LRRC4C: variants seen among roughly 807,000 people sequenced by gnomAD.
LRRC4C encodes the protein leucine-rich repeat-containing protein 4C.
Under a neutral mutation model 33.6 loss-of-function variants are expected in LRRC4C, and 5 were observed. The observed-to-expected ratio is 0.15, with a 90% CI of 0.08 to 0.31. LRRC4C has a LOEUF of 0.31. Ranked by LOEUF, LRRC4C falls within the 10% of genes least tolerant of loss-of-function variation. The probability of loss-of-function intolerance (pLI) is 1.00; values close to 1 mark genes in which losing one functional copy is unlikely to be tolerated. For missense variants in LRRC4C, 560 were observed against 796.7 expected (o/e 0.70, Z 3.58); for synonymous variants, 329 against 302.0 (o/e 1.09, Z -0.93).
intron 3 of LRRC4C, among the ~76,000 whole-genome samples, chr11:40,556,535 C>T (rs921567297): frequency 2.0e-5 from 3 of 152,200 alleles, no homozygotes; most frequent in African/African-American, 7.2e-5. Context: ...TTCTACATAT[C>T]TCAATAGGCT....
chr11:41,220,748 A>G (rs1449762283), intron 1 of LRRC4C, among the ~76,000 whole-genome samples: 4 of 152,228 alleles, frequency 2.6e-5, no homozygotes, highest in Admixed American at 2.0e-4. Flanking sequence ...ATATCCCAAG[A>G]AAATTGAGAT....
intron 1 of LRRC4C, among the ~76,000 whole-genome samples, chr11:41,088,316 A>G (rs1486601902): frequency 6.6e-6 from 1 of 152,108 alleles, no homozygotes; most frequent in East Asian, 1.9e-4. Flanking sequence ...CAGCAAAATA[A>G]TGCCTATTTC....
At chr11:41,004,939 T>A (rs1854634214) in intron 1 of LRRC4C, among the ~76,000 whole-genome samples, 1 of 152,164 alleles carries the variant, frequency 6.6e-6, no homozygotes, top group African/African-American at 2.4e-5. Context: ...AAAAAAATGC[T>A]GGGAAAATCA....
chr11:40,577,580 T>C (rs1260510920), intron 3 of LRRC4C, among the ~76,000 whole-genome samples: 1 of 152,200 alleles, frequency 6.6e-6, no homozygotes, highest in Non-Finnish European at 1.5e-5. Flanking sequence ...GATTTGGCTA[T>C]GTCTGGAGAC....
chr11:40,250,302 A>T (rs1851803080), intron 4 of LRRC4C, among the ~76,000 whole-genome samples: 1 of 151,852 alleles, frequency 6.6e-6, no homozygotes, highest in South Asian at 2.1e-4. Flanking sequence ...AAGATACCGA[A>T]ATTCTGTTAA....
chr11:41,222,434 C>G (rs887202347), intron 1 of LRRC4C, among the ~76,000 whole-genome samples: 2 of 152,130 alleles, frequency 1.3e-5, no homozygotes, highest in Admixed American at 6.5e-5. Flanking sequence ...ACTGAGTACT[C>G]AAGTCAGACA....
chr11:40,522,219 G>A (rs993478413), intron 3 of LRRC4C, among the ~76,000 whole-genome samples: 1 of 152,130 alleles, frequency 6.6e-6, no homozygotes, highest in Non-Finnish European at 1.5e-5. Context: ...TAGTAGAGAC[G>A]AGGTCTTGCC....
intron 1 of LRRC4C, among the ~76,000 whole-genome samples, chr11:41,011,333 A>G (rs1297974428): frequency 1.3e-5 from 2 of 152,082 alleles, no homozygotes; most frequent in East Asian, 3.9e-4. Context: ...CTTTCTTCAG[A>G]TATGAATAAA....
chr11:41,208,721 A>C (rs986690734), intron 1 of LRRC4C, among the ~76,000 whole-genome samples: 7 of 152,350 alleles, frequency 4.6e-5, no homozygotes, highest in African/African-American at 1.4e-4. Context: ...TCCCAAAGAC[A>C]ATTCAGAGAT....
intron 1 of LRRC4C, among the ~76,000 whole-genome samples, chr11:41,230,217 C>T (rs1223275072): frequency 6.6e-6 from 1 of 152,012 alleles, no homozygotes; most frequent in African/African-American, 2.4e-5. Context: ...TTTATACATC[C>T]ATTGTGAACC....
chr11:41,318,821 G>A (rs567565517), intron 1 of LRRC4C, among the ~76,000 whole-genome samples: 1 of 152,100 alleles, frequency 6.6e-6, no homozygotes, highest in South Asian at 2.1e-4. Context: ...AACCTGGTGA[G>A]ATTGCAGTTA....
chr11:40,488,724 C>T (rs188705821), intron 3 of LRRC4C, among the ~76,000 whole-genome samples: 1 of 152,048 alleles, frequency 6.6e-6, no homozygotes, highest in African/African-American at 2.4e-5. Context: ...GACTTCTGTT[C>T]ATTTTGGACT....
At chr11:40,317,592 G>A (rs1264466141) in intron 4 of LRRC4C, among the ~76,000 whole-genome samples, 3 of 152,036 alleles carry the variant, frequency 2.0e-5, no homozygotes, top group Non-Finnish European at 4.4e-5. Context: ...GCCCTTCTAT[G>A]TGTTTCATCA....
At chr11:41,175,302 C>A (rs1945150158) in intron 1 of LRRC4C, among the ~76,000 whole-genome samples, 1 of 152,094 alleles carries the variant, frequency 6.6e-6, no homozygotes, top group Non-Finnish European at 1.5e-5. Context: ...ATTTTATACA[C>A]CTATTGATTA....
chr11:40,554,260 T>A (rs1024996085), intron 3 of LRRC4C, among the ~76,000 whole-genome samples: 1 of 152,210 alleles, frequency 6.6e-6, no homozygotes, highest in East Asian at 1.9e-4. Context: ...GATGTGTGAC[T>A]TTATTTCTAG....
intron 5 of LRRC4C, among the ~76,000 whole-genome samples, chr11:40,188,688 G>A (rs1184456300): frequency 1.3e-5 from 2 of 151,950 alleles, no homozygotes; most frequent in African/African-American, 2.4e-5. Context: ...TACTAACTCC[G>A]AATAGGGGGA....
chr11:40,911,336 T>C (rs1956674589), intron 2 of LRRC4C, among the ~76,000 whole-genome samples: 1 of 152,120 alleles, frequency 6.6e-6, no homozygotes, highest in Non-Finnish European at 1.5e-5. Context: ...CGAGTACTCC[T>C]CTGAGACAAA....
rs1945433163 is a variant in LRRC4C, at chr11:40,695,233, G to A, written c.-406-46955C>T. Among the ~76,000 whole-genome samples the A allele has an allele frequency of 2.0e-5, 3 of 152,132 alleles. No individual in the cohort carries two copies. The South Asian group carries it at 6.2e-4, about 31-fold the overall frequency. On this transcript the variant is annotated intron_variant, in intron 2 of 6. Transcript: ENST00000528697. ...CATGAAGGGAGGAAATTTTGTATAT[G>A]TTGGCTCTGTGTATTTTATAATCCA...
At chr11:40,424,348 C>T (rs16934820) in intron 3 of LRRC4C, among the ~76,000 whole-genome samples, 3 of 151,996 alleles carry the variant, frequency 2.0e-5, no homozygotes, top group Non-Finnish European at 2.9e-5. Context: ...TATTGAAGAG[C>T]CTTAAAAACT....
Sources: gnomAD v4.1 joint callset for allele counts (sites outside exome capture counted in the v4.1 genomes callset) on GRCh38, gnomAD v4.1.1 for gene constraint, MANE v1.5 for transcripts, NCBI Gene and HGNC (gene_info 2026-07-23, HGNC 2026-07-21) for gene names.